ITPRID1: variants seen among roughly 807,000 people sequenced by gnomAD.
ITPRID1 encodes the protein ITPR interacting domain containing 1, also known as protein ITPRID1.
A neutral mutation model predicts 95.4 loss-of-function variants in ITPRID1; 96 were observed. That is an observed-to-expected ratio of 1.01 (90% confidence interval 0.85 to 1.19). ITPRID1 has a LOEUF of 1.19. ITPRID1 is among the 50% of genes most tolerant of loss of function. The pLI is 0.00. For synonymous variants in ITPRID1, 510 were observed against 453.6 expected (o/e 1.12, Z -1.58); for missense variants, 1,339 against 1,252.9 (o/e 1.07, Z -1.04).
At chr7:31,587,278 A>C (rs1785657124) in intron 10 of ITPRID1, among the ~76,000 whole-genome samples, 1 of 152,186 alleles carries the variant, frequency 6.6e-6, no homozygotes, top group Non-Finnish European at 1.5e-5. Flanking sequence ...GCTGATAAGC[A>C]ACTTCAGCAA....
At chr7:31,657,040 TACAC>T (rs374612500), downstream of ITPRID1, among the ~76,000 whole-genome samples, 1,946 of 147,268 alleles carry the variant, frequency 0.013, 51 homozygotes, top group African/African-American at 0.046. Flanking sequence ...TGTATGTGTA[TACAC>T]ACACACACAC....
In ITPRID1 at chr7:31,569,792, T is replaced by C. The variant is rs145529826; in HGVS notation, c.291T>C (p.Thr97=). 23 of 1,587,092 alleles carry C rather than the reference T, an allele frequency of 1.4e-5. No homozygotes were observed. In the East Asian group the frequency reaches 4.5e-4, roughly 31 times the overall value. Residue 97 remains threonine (T), a synonymous_variant, in exon 6 of 15, where the codon ACT becomes ACC. Coordinates refer to ENST00000615280, the MANE Select transcript of ITPRID1 (RefSeq NM_001257967.3). ...ATGAACAAGGGATGGTTCAAATGAC[T>C]GTGAAAGACTACATGAGGTAGGTAG... ...SLYEQGMVQM[T]VKDYMRSLHQ...
chr7:31,641,581 A>G (rs1481884002), intron 10 of ITPRID1, among the ~76,000 whole-genome samples: 2 of 152,192 alleles, frequency 1.3e-5, no homozygotes, highest in Non-Finnish European at 2.9e-5. Flanking sequence ...CTACAGATAG[A>G]TTTAACATTT....
chr7:31,630,350 C>T (rs1314197754), intron 10 of ITPRID1, among the ~76,000 whole-genome samples: 1 of 151,800 alleles, frequency 6.6e-6, no homozygotes, highest in Non-Finnish European at 1.5e-5. Flanking sequence ...CTTTAATCCT[C>T]ACTTAAGTCT....
chr7:31,621,721 ACAT>A (rs929238985), intron 10 of ITPRID1, among the ~76,000 whole-genome samples: 3 of 146,846 alleles, frequency 2.0e-5, no homozygotes, highest in African/African-American at 7.7e-5. Flanking sequence ...TAACCAGCTA[ACAT>A]CATAATGACA....
chr7:31,581,811 C>G (rs1181638883), intron 9 of ITPRID1, among the ~76,000 whole-genome samples: 1 of 151,670 alleles, frequency 6.6e-6, no homozygotes, highest in Non-Finnish European at 1.5e-5. Flanking sequence ...TTTTATTACA[C>G]TTGAAAATGC....
chr7:31,590,371 A>G (rs925597901), intron 10 of ITPRID1, among the ~76,000 whole-genome samples: 1 of 152,222 alleles, frequency 6.6e-6, no homozygotes, highest in African/African-American at 2.4e-5. Flanking sequence ...AGAAAAAGAA[A>G]TGAATATAAT....
chr7:31,626,348 T>C (rs966078763), intron 10 of ITPRID1, among the ~76,000 whole-genome samples: 3 of 152,248 alleles, frequency 2.0e-5, no homozygotes, highest in African/African-American at 4.8e-5. Context: ...CTAGTGACCA[T>C]AATCATGCTT....
At chr7:31,521,620 C>CCCCT in intron 1 of ITPRID1, among the ~76,000 whole-genome samples, 1 of 69,762 alleles carries the variant, frequency 1.4e-5, no homozygotes, top group Admixed American at 1.3e-4. Flanking sequence ...TCTCCTTTCC[C>CCCCT]TCCTTCCTTC....
In ITPRID1 at chr7:31,643,321, C is replaced by G. The variant is rs765660700; in HGVS notation, c.1951C>G (p.Pro651Ala). 1.9e-6 allele frequency: 3 copies of G among 1,613,836 alleles called. No homozygotes were observed. The Admixed American group carries it at 5.0e-5, about 27-fold the overall frequency. The change falls in exon 12 of 15, where the codon CCT becomes GCT. Residue 651 changes from proline to alanine, a missense_variant. By Grantham distance (27) the Pro-to-Ala change is conservative. Coordinates refer to ENST00000615280, the MANE Select transcript of ITPRID1 (RefSeq NM_001257967.3). Reference sequence around the variant, plus strand: ...TATCCCCAAGCACAGTGAAATCACACCTTATGCAACTGACCTTGCTCAAAC... The same window carrying G: ...TATCCCCAAGCACAGTGAAATCACAGCTTATGCAACTGACCTTGCTCAAAC... Reference protein sequence around the residue: ...QCIPKHSEITPYATDLAQTSE... With the variant: ...QCIPKHSEITAYATDLAQTSE...
At chr7:31,526,688 A>G (rs577512679) in intron 1 of ITPRID1, among the ~76,000 whole-genome samples, 8 of 152,214 alleles carry the variant, frequency 5.3e-5, no homozygotes, top group South Asian at 2.1e-4. Context: ...ACTGAGATCA[A>G]TTTTGACCAT....
intron 10 of ITPRID1, among the ~76,000 whole-genome samples, chr7:31,601,248 T>C (rs1786381962): frequency 6.6e-6 from 1 of 152,196 alleles, no homozygotes; most frequent in South Asian, 2.1e-4. Flanking sequence ...TTATAAAGCA[T>C]CCTTTTAAAT....
intron 10 of ITPRID1, among the ~76,000 whole-genome samples, chr7:31,634,870 C>T (rs758438602): frequency 6.6e-6 from 1 of 152,144 alleles, no homozygotes; most frequent in Non-Finnish European, 1.5e-5. Context: ...AGAACTGTGG[C>T]TCCTTCGGCA....
At position 31,643,485 on chromosome 7, in the gene ITPRID1, C is replaced by G. The variant is rs750421114; in HGVS notation, c.2115C>G (p.Ser705=). Reference sequence around the variant, plus strand: ...ACCTTCCTCTAAATACTGGCAGCTCCAGGTCTGTAATGACCCAGATGTCCT... The same window carrying G: ...ACCTTCCTCTAAATACTGGCAGCTCGAGGTCTGTAATGACCCAGATGTCCT... ...MENLPLNTGS[S]RSVMTQMSSS... is the part of the protein sequence containing the mutation. The change falls in exon 12 of 15, where the codon TCC becomes TCG. Residue 705 remains serine, a synonymous_variant. Coordinates refer to ENST00000615280, the MANE Select transcript of ITPRID1 (RefSeq NM_001257967.3). 1.9e-6 allele frequency: 3 copies of G among 1,614,002 alleles called. No individual in the cohort carries two copies. Among genetic ancestry groups the G allele is most frequent in the South Asian group, 1.1e-5 (1 of 91,084 alleles).
chr7:31,519,249 G>T (rs1015244516), intron 1 of ITPRID1, among the ~76,000 whole-genome samples: 3 of 152,086 alleles, frequency 2.0e-5, no homozygotes, highest in Non-Finnish European at 4.4e-5. Flanking sequence ...TAGAATGGTT[G>T]GTAAGGTATA....
At chr7:31,632,785 C>G (rs901029004) in intron 10 of ITPRID1, among the ~76,000 whole-genome samples, 10 of 152,166 alleles carry the variant, frequency 6.6e-5, no homozygotes, top group African/African-American at 2.4e-4. Context: ...AAGTAAGAGC[C>G]TATTCAAAAG....
At chr7:31,519,620 C>CTCTCTCTA in intron 1 of ITPRID1, among the ~76,000 whole-genome samples, 16 of 25,264 alleles carry the variant, frequency 6.3e-4, no homozygotes, top group East Asian at 3.0e-3. Flanking sequence ...CTCTCTCTCT[C>CTCTCTCTA]TATATATATA....
At chr7:31,621,620 A>G (rs1356938556) in intron 10 of ITPRID1, among the ~76,000 whole-genome samples, 3 of 148,898 alleles carry the variant, frequency 2.0e-5, no homozygotes, top group Non-Finnish European at 4.5e-5. Flanking sequence ...TAAACATGGA[A>G]AGGAACAACT....
At chr7:31,658,340 A>G (rs1456652914), downstream of ITPRID1, 1 of 1,522,916 alleles carries the variant, frequency 6.6e-7, no homozygotes. Context: ...GCTAAAGATG[A>G]AAAAATAAAA....
Sources: allele counts gnomAD v4.1 joint callset (sites outside exome capture counted in the v4.1 genomes callset), GRCh38; gene constraint gnomAD v4.1.1; transcripts MANE v1.5; gene names NCBI Gene and HGNC (gene_info 2026-07-23, HGNC 2026-07-21).